The following PPM1L variants were observed in gnomAD, a reference collection of about 807,000 sequenced individuals.
PPM1L encodes protein phosphatase 1L.
In PPM1L, 13 loss-of-function variants were observed where a neutral mutation model predicts 31.4. The ratio of observed to expected loss-of-function variants is 0.41; its 90% CI spans 0.27 to 0.66. The LOEUF (loss-of-function observed/expected upper bound fraction) is 0.66. Ranked by LOEUF, PPM1L falls within the 30% of genes least tolerant of loss-of-function variation. PPM1L has a pLI of 0.29. For synonymous variants in PPM1L, 184 were observed against 175.4 expected, an observed-to-expected ratio of 1.05 and a Z score of -0.39; for missense variants, 326 against 453.7, an observed-to-expected ratio of 0.72 and a Z score of 2.56.
Position 160,881,818 on chromosome 3 carries a change from C to T in PPM1L, c.400-79918C>T, listed in dbSNP as rs181312664. 9.5e-3 allele frequency among the ~76,000 whole-genome samples: 1,445 copies of T among 152,098 alleles called. 10 individuals carry two copies. Among genetic ancestry groups the T allele is most frequent in the Admixed American group, 0.021 (324 of 15,274 alleles). ...TGTAATCCCAGCACTTTGGGAGGCC[C>T]AGGCGGGCAGATCACAAGGTCAGGA... On this transcript the variant is annotated intron_variant, in intron 1 of 3. Transcript: ENST00000498165.
In PPM1L at chr3:161,065,581, C is replaced by A; in HGVS notation, c.736+17C>A. 6.2e-7 allele frequency: 1 copy of A among 1,608,282 alleles called. No homozygotes were observed. Among genetic ancestry groups the A allele is most frequent in the South Asian group, 1.1e-5 (1 of 90,660 alleles). ...AGAGAGCAGGTGAGCTTGTGAACAC[C>A]TCCAAGAAATGTCTGCTGTCTTGCT... On this transcript the variant is annotated intron_variant, in intron 3 of 3. Transcript: ENST00000498165.
At chr3:160,824,317 C>A (rs1713293258) in intron 1 of PPM1L, among the ~76,000 whole-genome samples, 1 of 152,114 alleles carries the variant, frequency 6.6e-6, no homozygotes, top group Non-Finnish European at 1.5e-5. Flanking sequence ...GACTTCCAGC[C>A]ACTAGAACTA....
chr3:160,925,060 C>G (rs1714542009), intron 1 of PPM1L, among the ~76,000 whole-genome samples: 1 of 152,146 alleles, frequency 6.6e-6, no homozygotes, highest in African/African-American at 2.4e-5. Context: ...TCTGCCCAAA[C>G]AAATTCAAGT....
At chr3:160,763,034 C>A (rs1715011628) in intron 1 of PPM1L, among the ~76,000 whole-genome samples, 1 of 152,150 alleles carries the variant, frequency 6.6e-6, no homozygotes, top group African/African-American at 2.4e-5. Context: ...TGCTGAGATG[C>A]TGTCTCCATC....
At chr3:160,973,020 G>C (rs144185560) in intron 2 of PPM1L, among the ~76,000 whole-genome samples, 1 of 152,032 alleles carries the variant, frequency 6.6e-6, no homozygotes, top group African/African-American at 2.4e-5. Context: ...ATGATAGGAA[G>C]GTATTTTAAA....
chr3:161,006,890 G>T (rs1342176406), intron 2 of PPM1L, among the ~76,000 whole-genome samples: 1 of 152,006 alleles, frequency 6.6e-6, no homozygotes, highest in Non-Finnish European at 1.5e-5. Context: ...CACCTTGTTA[G>T]TCAGGATGGT....
chr3:160,845,239 T>C (rs1316713878), intron 1 of PPM1L, among the ~76,000 whole-genome samples: 2 of 152,096 alleles, frequency 1.3e-5, no homozygotes, highest in African/African-American at 2.4e-5. Context: ...TATGGACATA[T>C]GTTTCTTATA....
chr3:161,055,846 C>T (rs138126955), intron 2 of PPM1L, among the ~76,000 whole-genome samples: 1 of 152,124 alleles, frequency 6.6e-6, no homozygotes, highest in African/African-American at 2.4e-5. Flanking sequence ...CTTTATGTCA[C>T]AGAAGGGAGC....
intron 1 of PPM1L, among the ~76,000 whole-genome samples, chr3:160,855,838 G>A (rs186280893): frequency 2.3e-4 from 35 of 152,198 alleles, no homozygotes; most frequent in African/African-American, 8.4e-4. Flanking sequence ...ACTCCCATTC[G>A]ACCCAGCAAT....
chr3:160,953,530 C>CT (rs1397787669), intron 1 of PPM1L, among the ~76,000 whole-genome samples: 1 of 152,116 alleles, frequency 6.6e-6, no homozygotes, highest in African/African-American at 2.4e-5. Context: ...GACCTTGACA[C>CT]TTTTTTTCCC....
At chr3:160,847,973 T>C (rs542673639) in intron 1 of PPM1L, among the ~76,000 whole-genome samples, 36 of 152,240 alleles carry the variant, frequency 2.4e-4, no homozygotes, top group Non-Finnish European at 4.3e-4. Context: ...ATTACCACAG[T>C]GAATTATTAT....
intron 1 of PPM1L, among the ~76,000 whole-genome samples, chr3:160,791,483 A>G (rs936425103): frequency 1.3e-5 from 2 of 152,116 alleles, no homozygotes; most frequent in Non-Finnish European, 2.9e-5. Flanking sequence ...GTCTTATTGC[A>G]TAATTTTCTT....
At chr3:161,052,004 G>A (rs1190494469) in intron 2 of PPM1L, among the ~76,000 whole-genome samples, 1 of 152,086 alleles carries the variant, frequency 6.6e-6, no homozygotes, top group African/African-American at 2.4e-5. Context: ...TGGCATCTGC[G>A]GGGGCGACCC....
At chr3:161,040,813 A>G (rs908878895) in intron 2 of PPM1L, among the ~76,000 whole-genome samples, 5 of 152,160 alleles carry the variant, frequency 3.3e-5, no homozygotes, top group South Asian at 2.1e-4. Flanking sequence ...TTATTTTCCA[A>G]CCTGACTCTG....
intron 1 of PPM1L, among the ~76,000 whole-genome samples, chr3:160,902,854 T>C (rs1003663785): frequency 2.6e-5 from 4 of 152,188 alleles, no homozygotes; most frequent in African/African-American, 9.6e-5. Context: ...TTAAGATGTT[T>C]ATCTAGCTCG....
At chr3:160,950,263 C>A (rs1342411875) in intron 1 of PPM1L, among the ~76,000 whole-genome samples, 1 of 152,142 alleles carries the variant, frequency 6.6e-6, no homozygotes, top group Admixed American at 6.5e-5. Flanking sequence ...TAGCATACTA[C>A]CCCTCCTTAA....
chr3:160,898,600 C>T (rs978946101), intron 1 of PPM1L, among the ~76,000 whole-genome samples: 2 of 152,192 alleles, frequency 1.3e-5, no homozygotes, highest in Admixed American at 6.5e-5. Context: ...GTTGGGGCTT[C>T]TTGAGGACTT....
chr3:160,812,116 T>A (rs1712830179), intron 1 of PPM1L, among the ~76,000 whole-genome samples: 1 of 152,244 alleles, frequency 6.6e-6, no homozygotes, highest in Non-Finnish European at 1.5e-5. Context: ...GCTCTTTAGC[T>A]GCCTAAAGAT....
At chr3:160,973,091 A>G (rs897770115) in intron 2 of PPM1L, among the ~76,000 whole-genome samples, 5 of 152,252 alleles carry the variant, frequency 3.3e-5, no homozygotes, top group African/African-American at 9.6e-5. Context: ...CCACTCTGAA[A>G]ATACATTGAT....
Sources: allele counts gnomAD v4.1 joint callset (sites outside exome capture counted in the v4.1 genomes callset), GRCh38; gene constraint gnomAD v4.1.1; transcripts MANE v1.5; gene names NCBI Gene and HGNC (gene_info 2026-07-23, HGNC 2026-07-21).